Variants in ZNF821 observed in about 807,000 individuals in gnomAD.
The protein encoded by ZNF821 is zinc finger protein 821.
A neutral mutation model predicts 44.3 loss-of-function variants in ZNF821; 16 were observed. The ratio of observed to expected loss-of-function variants is 0.36; its 90% CI spans 0.24 to 0.55. The LOEUF is 0.55. Among genes scored for constraint, ZNF821 ranks in the 20% least tolerant of loss-of-function variants. The pLI is 0.86. For missense variants in ZNF821, 436 were observed against 547.6 expected (o/e 0.80, Z 2.03); for synonymous variants, 204 against 197.6 (o/e 1.03, Z -0.27).
intron 4 of ZNF821, among the ~76,000 whole-genome samples, chr16:71,866,770 C>G (rs992043408): frequency 6.6e-6 from 1 of 152,042 alleles, no homozygotes; most frequent in Non-Finnish European, 1.5e-5. Flanking sequence ...TTTTTTTGTG[C>G]CCGAGCAATT....
At chr16:71,870,443 T>A (rs900789264) in intron 3 of ZNF821, among the ~76,000 whole-genome samples, 2 of 150,914 alleles carry the variant, frequency 1.3e-5, no homozygotes, top group East Asian at 3.9e-4. Flanking sequence ...AATTTCTCCA[T>A]GCTGGTTACA....
chr16:71,877,203 T>C (rs2035915090), intron 3 of ZNF821, among the ~76,000 whole-genome samples: 1 of 152,238 alleles, frequency 6.6e-6, no homozygotes, highest in East Asian at 1.9e-4. Flanking sequence ...TCTTCTACTC[T>C]TGAAGTAACC....
rs900420919 is a variant in ZNF821 at position 71,883,888 on chromosome 16, A to AGGGC, written c.-141+16_-141+19dup. ...GCATCCCCAGCCCGGACCCGGAGGGAGGGCAGGGGGTCTTTTTACCCGGCG... is the reference window on the plus strand; with the variant it reads ...GCATCCCCAGCCCGGACCCGGAGGGAGGGCGGGCAGGGGGTCTTTTTACCCGGCG... On this transcript the variant is annotated intron_variant, in intron 1 of 7. Transcript: ENST00000425432. The AGGGC allele has an allele frequency of 2.0e-5, 3 of 152,362 alleles. No individual in the cohort carries two copies. Among genetic ancestry groups the AGGGC allele is most frequent in the Non-Finnish European group, 4.4e-5 (3 of 68,272 alleles). The allele number at this position is 152,362 out of a possible 1,614,324, so 9.4% of individuals were successfully genotyped here.
chr16:71,887,584 A>C (rs2036866337), upstream of ZNF821, among the ~76,000 whole-genome samples: 2 of 152,150 alleles, frequency 1.3e-5, no homozygotes, highest in Admixed American at 6.5e-5. Context: ...TTTTTGAGGA[A>C]GTGCTAAACT....
intron 3 of ZNF821, among the ~76,000 whole-genome samples, chr16:71,869,491 C>G (rs961011527): frequency 6.6e-6 from 1 of 152,186 alleles, no homozygotes; most frequent in Non-Finnish European, 1.5e-5. Flanking sequence ...AAGCTCCAGG[C>G]TCTATGGTGT....
At chr16:71,894,796 AAGTGCTGGG>A (rs1245076434) in intron 1 of ZNF821, 2 of 1,516,540 alleles carry the variant, frequency 1.3e-6, no homozygotes, top group Non-Finnish European at 1.8e-6. Flanking sequence ...CCGCCTCTCA[AAGTGCTGGG>A]AAGGTCCCTT....
At chr16:71,874,712 C>G (rs2035613491) in intron 3 of ZNF821, among the ~76,000 whole-genome samples, 1 of 152,176 alleles carries the variant, frequency 6.6e-6, no homozygotes, top group Non-Finnish European at 1.5e-5. Flanking sequence ...CCTCGGCCTC[C>G]AAAAGTGCTG....
intron 1 of ZNF821, among the ~76,000 whole-genome samples, chr16:71,889,947 C>G (rs2036876523): frequency 6.6e-6 from 1 of 152,090 alleles, no homozygotes; most frequent in Non-Finnish European, 1.5e-5. Context: ...CAGAGCGAGA[C>G]CCTGTCTCAG....
At chr16:71,878,137 G>T in intron 3 of ZNF821, among the ~76,000 whole-genome samples, 1 of 135,564 alleles carries the variant, frequency 7.4e-6, no homozygotes, top group African/African-American at 2.7e-5. Flanking sequence ...TTTTGATGGA[G>T]TCTATGTTTG....
At position 71,860,176 on chromosome 16, in the gene ZNF821, T is replaced by C. The variant is rs763095829; in HGVS notation, c.1081A>G (p.Met361Val). The change falls in exon 8 of 8, where the codon ATG becomes GTG. Residue 361 changes from methionine to valine, a missense_variant. Around this residue, in one of 5 missense-constraint regions of ZNF821, gnomAD observed 72 missense variants for 133.3 expected, o/e 0.54. Transcript: ENST00000425432. The surrounding 1 kb of genome is among the most constrained non-coding windows in gnomAD (Gnocchi z 7.3). Reference sequence around the variant, plus strand: ...TGGCCAAACTGAGCTCGCAACATCATGTCCATTTTCTCCAGCCTCCTCTTG... The same window carrying C: ...TGGCCAAACTGAGCTCGCAACATCACGTCCATTTTCTCCAGCCTCCTCTTG... ...RLKRRLEKMD[M>V]MLRAQFGQDP... The C allele has an allele frequency of 1.4e-5, 22 of 1,614,064 alleles. No homozygotes were observed. Among genetic ancestry groups the C allele is most frequent in the Admixed American group, 1.2e-4 (7 of 60,008 alleles).
upstream of ZNF821, among the ~76,000 whole-genome samples, chr16:71,889,703 CA>C (rs1424774362): frequency 1.3e-5 from 2 of 151,640 alleles, no homozygotes; most frequent in Admixed American, 6.6e-5. Context: ...AAAACAACAA[CA>C]AAAAAACAAA....
In ZNF821 at chr16:71,859,981, A is replaced by G; in HGVS notation, c.*37T>C. 2 of 1,516,162 alleles carry G rather than the reference A, an allele frequency of 1.3e-6. No individual in the cohort carries two copies. The highest frequency in any genetic ancestry group is 1.8e-6 in the Non-Finnish European group (2 of 1,134,594). The allele number at this position is 1,516,162 out of a possible 1,614,324, so 93.9% of individuals were successfully genotyped here. On this transcript the variant is annotated 3_prime_UTR_variant, in exon 8 of 8. Coordinates refer to ENST00000425432, the MANE Select transcript of ZNF821 (RefSeq NM_001201552.2). ...TGGCTGTGGGTGTGGGTGGGTGGGT[A>G]GGTAGGTGGGAAGGAGGGCAGGCAG...
intron 3 of ZNF821, among the ~76,000 whole-genome samples, chr16:71,875,455 T>TC (rs1491503858): frequency 2.1e-5 from 3 of 141,650 alleles, no homozygotes; most frequent in Non-Finnish European, 4.8e-5. Context: ...CTAATTTTTT[T>TC]CTTTTTTTTT....
intron 3 of ZNF821, among the ~76,000 whole-genome samples, chr16:71,873,834 G>A (rs1483567699): frequency 1.3e-5 from 2 of 151,458 alleles, no homozygotes; most frequent in Non-Finnish European, 2.9e-5. Context: ...TAAATTTTTT[G>A]TAGAAATCAG....
chr16:71,874,143 G>T (rs1012004070), intron 3 of ZNF821, among the ~76,000 whole-genome samples: 11 of 151,610 alleles, frequency 7.3e-5, no homozygotes, highest in African/African-American at 1.7e-4. Context: ...ATTTTTTTTA[G>T]TAGAGGCAGG....
chr16:71,868,166 C>A, intron 3 of ZNF821, 129 bp from the exon 4 acceptor site: 1 of 1,096,124 alleles, frequency 9.1e-7, no homozygotes, highest in Non-Finnish European at 1.3e-6. Flanking sequence ...CATTCATCTC[C>A]AAGTCAGCTT....
intron 3 of ZNF821, 58 bp downstream of exon 3, chr16:71,879,848 AC>A: frequency 6.6e-7 from 1 of 1,507,788 alleles, no homozygotes. Flanking sequence ...AATTCAGGTT[AC>A]TCTTCCATTC....
chr16:71,860,760 A>ACC lies in ZNF821; in HGVS notation c.585-89_585-88insGG. ...TGCCTTATTCTTTTCCTATGAGGCC[A>ACC]GTGGCTCCACGCTCACCACAAGGGG... On this transcript the variant is annotated intron_variant, in intron 7 of 7. Transcript: ENST00000425432. This position sits in a 1 kb window ranked among gnomAD's most constrained non-coding sequence, Gnocchi z 7.3. 1.8e-5 allele frequency: 25 copies of ACC among 1,367,818 alleles called. No homozygotes were observed. Among genetic ancestry groups the ACC allele is most frequent in the South Asian group, 1.2e-4 (9 of 72,164 alleles). The allele number at this position is 1,367,818 out of a possible 1,614,324, so 84.7% of individuals were successfully genotyped here.
In ZNF821 at chr16:71,861,767, C is replaced by T. The variant is rs781255272; in HGVS notation, c.584+9G>A. On this transcript the variant is annotated intron_variant, in intron 7 of 7. Transcript: ENST00000425432. ...CTCCCAGCACAACAGGGATAAGTGC[C>T]CAGCTGACCTGTTAAAAGTGGCATG... 1 of 1,613,480 alleles carries T rather than the reference C, an allele frequency of 6.2e-7. No individual in the cohort carries two copies. The highest frequency in any genetic ancestry group is 2.2e-5 in the East Asian group (1 of 44,892).
Sources: gnomAD v4.1 joint callset for allele counts (sites outside exome capture counted in the v4.1 genomes callset) on GRCh38, gnomAD v4.1.1 for gene constraint, gnomAD v4.1.1 regional missense constraint, Gnocchi (gnomAD v3.1) non-coding constraint, MANE v1.5 for transcripts, NCBI Gene and HGNC (gene_info 2026-07-23, HGNC 2026-07-21) for gene names.